The following CFAP47 variants were observed in gnomAD, a reference collection of about 807,000 sequenced individuals.
CFAP47 encodes the protein cilia and flagella associated protein 47.
CFAP47 carries 29 observed loss-of-function variants against 148.1 expected under a neutral mutation model. That is an observed-to-expected ratio of 0.20 (90% CI 0.15 to 0.27). The LOEUF is 0.27. Ranked by LOEUF, CFAP47 falls within the 10% of genes least tolerant of loss-of-function variation. CFAP47 has a pLI of 1.00. For missense variants in CFAP47, 1,872 were observed against 1,697.5 expected (o/e 1.10, Z -1.81); for synonymous variants, 664 against 577.3 (o/e 1.15, Z -2.15).
At chrX:36,201,992 T>G (rs1939985944) in intron 44 of CFAP47, among the ~76,000 whole-genome samples, 2 of 111,333 alleles carry the variant, frequency 1.8e-5, no homozygotes, top group South Asian at 7.6e-4. Flanking sequence ...TATTTAAACC[T>G]CCTCAAGCCT....
At chrX:35,930,340 T>C (rs1935808285) in intron 2 of CFAP47, among the ~76,000 whole-genome samples, 1 of 111,324 alleles carries the variant, frequency 9.0e-6, no homozygotes, top group African/African-American at 3.3e-5. Context: ...GATTTGCTCA[T>C]GTTTTATTAG....
At position 36,384,876 on chromosome X, in the gene CFAP47, T is replaced by C. The variant is rs1556024867; in HGVS notation, c.9434T>C (p.Ile3145Thr). 3 of 1,164,625 alleles carry C rather than the reference T, an allele frequency of 2.6e-6. No individual in the cohort carries two copies. Among genetic ancestry groups the C allele is most frequent in the African/African-American group, 1.8e-5 (1 of 55,660 alleles). The part of the protein sequence containing the change: ...TVPPKNAKAK[I>T]DATHKTHDNM... The stretch of plus-strand genomic sequence containing the variant: ...CCACCAAAAAATGCAAAAGCCAAAA[T>C]TGATGCTACTCACAAGACACATGAC... The change falls in exon 64 of 64, where the codon ATT becomes ACT. Residue 3145 changes from isoleucine to threonine, a missense_variant. Ile to Thr is a moderately conservative substitution (Grantham distance 89). Transcript: ENST00000378653.
At chrX:36,374,043 T>C (rs1265742285) in intron 62 of CFAP47, among the ~76,000 whole-genome samples, 1 of 111,132 alleles carries the variant, frequency 9.0e-6, no homozygotes. Flanking sequence ...GTTGTCTTTG[T>C]ATGGCTTTGG....
chrX:36,371,623 TATATGTGTATATACACAC>T (rs1307421911), intron 62 of CFAP47, among the ~76,000 whole-genome samples: 29 of 90,464 alleles, frequency 3.2e-4, no homozygotes, highest in East Asian at 1.3e-3. Flanking sequence ...ATATGTGTAA[TATATGTGTATATACACAC>T]ATATGTGTAT....
intron 57 of CFAP47, among the ~76,000 whole-genome samples, chrX:36,323,494 A>G (rs1268678065): frequency 9.0e-6 from 1 of 111,425 alleles, no homozygotes; most frequent in African/African-American, 3.2e-5. Context: ...TGCACCTTCT[A>G]ATTTGCCATA....
chrX:36,306,826 G>A lies in CFAP47; in HGVS notation c.8137G>A (p.Ala2713Thr). 1 of 1,158,114 alleles carries A rather than the reference G, an allele frequency of 8.6e-7. No individual in the cohort carries two copies. The highest frequency in any genetic ancestry group is 1.2e-6 in the Non-Finnish European group (1 of 866,170). Reference sequence around the variant, plus strand: ...ATTACCTGTTCTCTTTTATCCTTCTGCACTTGGAAGAGCTGATCATCAAGC... The same window carrying A: ...ATTACCTGTTCTCTTTTATCCTTCTACACTTGGAAGAGCTGATCATCAAGC... ...TELPVLFYPS[A>T]LGRADHQACI... The change falls in exon 55 of 64, where the codon GCA (alanine) becomes ACA (threonine). Residue 2713 changes from alanine (A) to threonine (T), a missense_variant. Physicochemically the swap from Ala to Thr is moderately conservative, Grantham distance 58. Transcript: ENST00000378653.
intron 23 of CFAP47, among the ~76,000 whole-genome samples, chrX:36,035,194 A>G (rs1937323909): frequency 8.9e-6 from 1 of 111,775 alleles, no homozygotes; most frequent in South Asian, 3.7e-4. Flanking sequence ...CCTGTGGCCT[A>G]TTAAAATTGC....
chrX:36,100,099 G>T (rs1447711695), intron 32 of CFAP47, among the ~76,000 whole-genome samples: 1 of 111,457 alleles, frequency 9.0e-6, no homozygotes, highest in African/African-American at 3.3e-5. Flanking sequence ...GTATGGGTCT[G>T]ATTTCTCTGA....
chrX:36,086,109 C>A (rs6632476), intron 30 of CFAP47, among the ~76,000 whole-genome samples: 18,224 of 110,906 alleles, frequency 0.16, 1,564 homozygotes, highest in African/African-American at 0.3. Context: ...AGTAGGAAGG[C>A]GAAAGGAATT....
chrX:36,271,831 A>G (rs1556001901), intron 49 of CFAP47, among the ~76,000 whole-genome samples: 1 of 111,625 alleles, frequency 9.0e-6, no homozygotes, highest in Non-Finnish European at 1.9e-5. Flanking sequence ...TTGATGCTTT[A>G]CAGAAAGTTT....
At chrX:36,059,804 T>C (rs1360515529) in intron 26 of CFAP47, among the ~76,000 whole-genome samples, 3 of 111,800 alleles carry the variant, frequency 2.7e-5, no homozygotes, top group Non-Finnish European at 3.8e-5. Flanking sequence ...TTATCCCCCG[T>C]ATTGGAGATG....
At chrX:36,047,624 T>A (rs1437837819) in intron 26 of CFAP47, among the ~76,000 whole-genome samples, 1 of 111,958 alleles carries the variant, frequency 8.9e-6, no homozygotes, top group Non-Finnish European at 1.9e-5. Flanking sequence ...CTTGACTAAC[T>A]AAATGGCAAG....
At chrX:36,060,720 A>C (rs901017726) in intron 26 of CFAP47, among the ~76,000 whole-genome samples, 1 of 111,424 alleles carries the variant, frequency 9.0e-6, no homozygotes, top group African/African-American at 3.3e-5. Context: ...CCTAAAGTCT[A>C]TTTTAGGGCA....
chrX:36,022,466 G>T (rs1937170915), intron 22 of CFAP47, among the ~76,000 whole-genome samples: 1 of 109,723 alleles, frequency 9.1e-6, no homozygotes, highest in South Asian at 3.9e-4. Context: ...GTCTTCTTTG[G>T]CTTAAATCTG....
intron 33 of CFAP47, among the ~76,000 whole-genome samples, chrX:36,137,032 A>G (rs5973585): frequency 0.098 from 10,818 of 110,945 alleles, 1,043 homozygotes; most frequent in African/African-American, 0.3. Context: ...TTGTCTGTGA[A>G]GTGTCCAGGA....
chrX:36,355,939 A>C (rs782223760), intron 60 of CFAP47, among the ~76,000 whole-genome samples: 1 of 111,883 alleles, frequency 8.9e-6, no homozygotes, highest in Non-Finnish European at 1.9e-5. Context: ...GCTACTTTAA[A>C]TTGCTTAAGT....
At chrX:36,045,248 TC>T (rs755805238) in intron 25 of CFAP47, among the ~76,000 whole-genome samples, 177 of 111,927 alleles carry the variant, frequency 1.6e-3, no homozygotes, top group African/African-American at 5.6e-3. Context: ...GTTTCTCCTG[TC>T]CCCAGTGTTT....
chrX:35,955,169 C>G (rs1936225410), intron 7 of CFAP47, among the ~76,000 whole-genome samples: 1 of 111,952 alleles, frequency 8.9e-6, no homozygotes, highest in African/African-American at 3.2e-5. Context: ...ATAAGAATAT[C>G]TACTAGTTAT....
At chrX:36,353,924 G>A (rs1419131223) in intron 60 of CFAP47, among the ~76,000 whole-genome samples, 1 of 111,605 alleles carries the variant, frequency 9.0e-6, no homozygotes, top group Non-Finnish European at 1.9e-5. Context: ...TCCATCAATA[G>A]TGAGAAGAGA....
Sources: gnomAD v4.1 joint callset for allele counts (sites outside exome capture counted in the v4.1 genomes callset) on GRCh38, gnomAD v4.1.1 for gene constraint, MANE v1.5 for transcripts, NCBI Gene and HGNC (gene_info 2026-07-23, HGNC 2026-07-21) for gene names.